EPM2A: variants seen among roughly 807,000 people sequenced by gnomAD.
EPM2A encodes the protein EPM2A glucan phosphatase, laforin.
EPM2A carries 21 observed loss-of-function variants against 26.5 expected under a neutral mutation model. That is an observed-to-expected ratio of 0.79 (90% CI 0.56 to 1.14). The LOEUF is 1.14. Ranked by LOEUF, EPM2A falls within the 50% of genes most tolerant of loss-of-function variation. The probability of loss-of-function intolerance (pLI) is 0.00; values close to 1 mark genes in which losing one functional copy is unlikely to be tolerated. For missense variants in EPM2A, 458 were observed against 440.8 expected, an observed-to-expected ratio of 1.04 and a Z score of -0.35; for synonymous variants, 217 against 177.6, an observed-to-expected ratio of 1.22 and a Z score of -1.76.
intron 2 of EPM2A, among the ~76,000 whole-genome samples, chr6:145,517,206 G>A (rs1019843432): frequency 6.6e-6 from 1 of 152,108 alleles, no homozygotes; most frequent in Non-Finnish European, 1.5e-5. Context: ...GAAATGGGGA[G>A]TTGTTTTTCA....
chr6:145,686,064 T>A (rs1338659828), intron 2 of EPM2A, 58 bp downstream of exon 2: 4 of 1,482,144 alleles, frequency 2.7e-6, no homozygotes, highest in Non-Finnish European at 3.8e-6. Context: ...ATATTTCCAT[T>A]GTGCTAATGC....
chr6:145,657,047 C>T (rs1438837592), intron 2 of EPM2A, among the ~76,000 whole-genome samples: 1 of 147,986 alleles, frequency 6.8e-6, no homozygotes, highest in Non-Finnish European at 1.5e-5. Context: ...ATTTGAAGAG[C>T]AAGAAATTAT....
chr6:145,725,474 A>T (rs1027227758), intron 1 of EPM2A, among the ~76,000 whole-genome samples: 7 of 152,044 alleles, frequency 4.6e-5, no homozygotes, highest in African/African-American at 1.7e-4. Context: ...CCTACACAAA[A>T]ATCTGCACAC....
chr6:145,697,494 G>A (rs534498972), intron 1 of EPM2A, among the ~76,000 whole-genome samples: 24 of 152,132 alleles, frequency 1.6e-4, no homozygotes, highest in Admixed American at 5.9e-4. Context: ...CAGACAACTG[G>A]TCTGACCAAA....
intron 2 of EPM2A, among the ~76,000 whole-genome samples, chr6:145,566,802 A>C (rs1192851496): frequency 6.6e-6 from 1 of 152,246 alleles, no homozygotes; most frequent in East Asian, 1.9e-4. Flanking sequence ...TTTTAGATTA[A>C]GAGTTTTAGG....
At chr6:145,623,938 G>A (rs965594035), downstream of EPM2A, among the ~76,000 whole-genome samples, 25 of 152,196 alleles carry the variant, frequency 1.6e-4, no homozygotes, top group African/African-American at 6.0e-4. Context: ...CTGAGCAGCT[G>A]CAAGTGTATT....
At chr6:145,733,887 G>A (rs926826446) in intron 1 of EPM2A, among the ~76,000 whole-genome samples, 2 of 151,796 alleles carry the variant, frequency 1.3e-5, no homozygotes, top group African/African-American at 4.8e-5. Flanking sequence ...CTTCTAAAGA[G>A]ACATTCATTT....
At position 145,554,477 on chromosome 6, in the gene EPM2A, C is replaced by CAT. The variant is rs1562380437; in HGVS notation, c.341-51903_341-51902insAT. Among the ~76,000 whole-genome samples the CAT allele has an allele frequency of 2.3e-4, 33 of 144,718 alleles. No individual in the cohort carries two copies. The East Asian group carries it at 3.3e-3, about 15-fold the overall frequency. The allele number at this position is 144,718 out of a possible 152,430, so 94.9% of individuals were successfully genotyped here. A position where few individuals can be genotyped will look rare whatever the true frequency, so the allele number is the denominator to read the frequency against. The stretch of plus-strand genomic sequence containing the variant: ...ATAGATAGATAGATAGATACATAGA[C>CAT]AGAGAGACAGATTGATTTACTTTAA... On this transcript the variant is annotated intron_variant, in intron 2 of 3. Coordinates refer to the EPM2A transcript ENST00000450221.
intron 4 of EPM2A, among the ~76,000 whole-genome samples, chr6:145,481,902 A>G (rs967219667): frequency 1.1e-4 from 16 of 144,476 alleles, no homozygotes; most frequent in African/African-American, 4.0e-4. Flanking sequence ...CATAAACAAC[A>G]TATTTGGATG....
chr6:145,693,389 T>G (rs1371718878), intron 1 of EPM2A, among the ~76,000 whole-genome samples: 1 of 151,998 alleles, frequency 6.6e-6, no homozygotes, highest in East Asian at 1.9e-4. Context: ...GTCTTCCTAT[T>G]TGGATGTGGA....
intron 2 of EPM2A, among the ~76,000 whole-genome samples, chr6:145,562,169 T>C (rs1780815767): frequency 6.6e-6 from 1 of 151,016 alleles, no homozygotes; most frequent in African/African-American, 2.4e-5. Flanking sequence ...CATTGTTGAA[T>C]GGCTCAGTTC....
intron 4 of EPM2A, among the ~76,000 whole-genome samples, chr6:145,404,795 C>G (rs1025093075): frequency 6.6e-6 from 1 of 152,052 alleles, no homozygotes. Flanking sequence ...AAGTATAGGT[C>G]CTTTCTCCTC....
intron 1 of EPM2A, among the ~76,000 whole-genome samples, chr6:145,697,584 C>G (rs1262639196): frequency 6.6e-6 from 1 of 152,116 alleles, no homozygotes; most frequent in Non-Finnish European, 1.5e-5. Context: ...ATCCCTACGG[C>G]TCGACCATAA....
chr6:145,616,070 A>C (rs1218213790), intron 2 of EPM2A, among the ~76,000 whole-genome samples: 1 of 152,248 alleles, frequency 6.6e-6, no homozygotes. Context: ...GACAATGGGG[A>C]AAATGTCTTC....
intron 4 of EPM2A, among the ~76,000 whole-genome samples, chr6:145,489,273 G>C (rs1301309224): frequency 6.6e-6 from 1 of 152,116 alleles, no homozygotes; most frequent in Non-Finnish European, 1.5e-5. Flanking sequence ...AATGATTTAA[G>C]TTTGATTTTA....
intron 4 of EPM2A, among the ~76,000 whole-genome samples, chr6:145,391,935 G>A (rs569697305): frequency 2.5e-4 from 37 of 148,462 alleles, no homozygotes; most frequent in Non-Finnish European, 7.5e-5. Flanking sequence ...GGTGGTGGGG[G>A]GCATTTCAGC....
At chr6:145,713,077 T>C (rs1162926117) in intron 1 of EPM2A, among the ~76,000 whole-genome samples, 1 of 152,232 alleles carries the variant, frequency 6.6e-6, no homozygotes, top group East Asian at 1.9e-4. Context: ...TATCTTTTAA[T>C]TCCATTTTCC....
At chr6:145,559,675 T>A (rs1201805432) in intron 2 of EPM2A, among the ~76,000 whole-genome samples, 1 of 60,384 alleles carries the variant, frequency 1.7e-5, no homozygotes, top group Non-Finnish European at 4.2e-5. Flanking sequence ...CTTTCTCCTT[T>A]TTTTTTTTTT....
intron 1 of EPM2A, among the ~76,000 whole-genome samples, chr6:145,726,948 A>T (rs1210811421): frequency 6.6e-6 from 1 of 152,170 alleles, no homozygotes; most frequent in African/African-American, 2.4e-5. Flanking sequence ...TAAAATATTA[A>T]CAACAGAGGA....
Sources: gnomAD v4.1 joint callset for allele counts (sites outside exome capture counted in the v4.1 genomes callset) on GRCh38, gnomAD v4.1.1 for gene constraint, MANE v1.5 for transcripts, NCBI Gene and HGNC (gene_info 2026-07-23, HGNC 2026-07-21) for gene names.